The following PPM1L variants were observed in gnomAD, a reference collection of about 807,000 sequenced individuals.
PPM1L encodes the protein protein phosphatase 1L.
Under a neutral mutation model 31.4 loss-of-function variants are expected in PPM1L, and 13 were observed. The ratio of observed to expected loss-of-function variants is 0.41; its 90% CI spans 0.27 to 0.66. The LOEUF is 0.66. PPM1L is among the 30% of genes least tolerant of loss of function. The pLI, the probability that PPM1L is intolerant of heterozygous loss-of-function variation, is 0.29. For synonymous variants in PPM1L, 184 were observed against 175.4 expected (o/e 1.05, Z -0.39); for missense variants, 326 against 453.7 (o/e 0.72, Z 2.56).
intron 1 of PPM1L, among the ~76,000 whole-genome samples, chr3:160,783,946 T>C (rs1711823383): frequency 6.6e-6 from 1 of 152,190 alleles, no homozygotes. Flanking sequence ...AAAAAGTGAT[T>C]TTGAAGAGAA....
At chr3:160,834,467 G>T (rs1713632034) in intron 1 of PPM1L, among the ~76,000 whole-genome samples, 1 of 115,092 alleles carries the variant, frequency 8.7e-6, no homozygotes, top group African/African-American at 4.9e-5. Flanking sequence ...ATTTGTGTAT[G>T]TGTATGTGTG....
At chr3:161,068,621 G>A (rs1719814297) in intron 3 of PPM1L, among the ~76,000 whole-genome samples, 190 bp from the exon 4 acceptor site, 1 of 152,100 alleles carries the variant, frequency 6.6e-6, no homozygotes, top group Admixed American at 6.5e-5. Flanking sequence ...CCAGGATGAG[G>A]GTATGAGGAT....
intron 2 of PPM1L, among the ~76,000 whole-genome samples, chr3:160,980,740 G>GAGAA (rs199996196): frequency 6.9e-6 from 1 of 145,812 alleles, no homozygotes; most frequent in South Asian, 2.3e-4. Context: ...GAAAAAGAAA[G>GAGAA]AGAAAGAAAG....
At chr3:160,804,107 T>C (rs1367595704) in intron 1 of PPM1L, among the ~76,000 whole-genome samples, 6 of 151,232 alleles carry the variant, frequency 4.0e-5, no homozygotes, top group African/African-American at 1.2e-4. Flanking sequence ...TTTTTTTTTC[T>C]ATTTTTAGTA....
rs1481926695 is a variant in PPM1L at position 160,944,857 on chromosome 3, TTATATATA to T, written c.400-16878_400-16871del. ...ATATATATGTTATATATAACATATATTATATATAATGTTATATATAACATATATATTAT... is the reference window on the plus strand; with the variant it reads ...ATATATATGTTATATATAACATATATATGTTATATATAACATATATATTAT... On this transcript the variant is annotated intron_variant, in intron 1 of 3. Coordinates refer to ENST00000498165, the MANE Select transcript of PPM1L (RefSeq NM_139245.4). Among the ~76,000 whole-genome samples the T allele has an allele frequency of 1.5e-3, 64 of 42,562 alleles. 3 individuals carry two copies. Among genetic ancestry groups the T allele is most frequent in the African/African-American group, 3.8e-3 (59 of 15,438 alleles). 27.9% of individuals were successfully genotyped at this position (42,562 alleles called of 152,430 possible). A position where few individuals can be genotyped will look rare whatever the true frequency, so the allele number is the denominator to read the frequency against.
At chr3:160,973,001 A>G (rs1716405312) in intron 2 of PPM1L, among the ~76,000 whole-genome samples, 1 of 152,154 alleles carries the variant, frequency 6.6e-6, no homozygotes, top group South Asian at 2.1e-4. Context: ...ATGTTCTTGT[A>G]AAAGTGGTAT....
intron 1 of PPM1L, among the ~76,000 whole-genome samples, chr3:160,791,581 C>T (rs1200508003): frequency 6.6e-6 from 1 of 152,104 alleles, no homozygotes; most frequent in Non-Finnish European, 1.5e-5. Flanking sequence ...CAGGGGCTGA[C>T]ATTAGAACAG....
At chr3:160,935,423 T>C (rs912911281) in intron 1 of PPM1L, among the ~76,000 whole-genome samples, 1 of 152,164 alleles carries the variant, frequency 6.6e-6, no homozygotes, top group Non-Finnish European at 1.5e-5. Context: ...CATCTGTATG[T>C]GTATATAAAT....
At chr3:161,029,227 T>G (rs1576793170) in intron 2 of PPM1L, among the ~76,000 whole-genome samples, 1 of 152,226 alleles carries the variant, frequency 6.6e-6, no homozygotes, top group East Asian at 1.9e-4. Context: ...TTATTTCATT[T>G]TATCCTCATA....
intron 2 of PPM1L, among the ~76,000 whole-genome samples, chr3:161,054,148 T>A (rs1257913159): frequency 2.0e-5 from 3 of 152,012 alleles, no homozygotes; most frequent in African/African-American, 7.3e-5. Context: ...TCACTGCTTC[T>A]TCTGCTTGGA....
At chr3:160,808,947 C>T (rs929071359) in intron 1 of PPM1L, among the ~76,000 whole-genome samples, 3 of 152,152 alleles carry the variant, frequency 2.0e-5, no homozygotes, top group Non-Finnish European at 1.5e-5. Flanking sequence ...TTCCCCTACC[C>T]CCATATGATC....
chr3:160,781,224 C>T (rs987946926), intron 1 of PPM1L, among the ~76,000 whole-genome samples: 3 of 152,098 alleles, frequency 2.0e-5, no homozygotes, highest in Non-Finnish European at 2.9e-5. Context: ...AGTGATAGAG[C>T]GACTCATGGC....
intron 1 of PPM1L, among the ~76,000 whole-genome samples, chr3:160,838,630 A>G (rs1228775685): frequency 1.3e-5 from 2 of 152,174 alleles, no homozygotes; most frequent in Non-Finnish European, 2.9e-5. Flanking sequence ...TTAATCCTTA[A>G]GTGGACTTTT....
At chr3:160,972,712 C>T (rs1279390003) in intron 2 of PPM1L, among the ~76,000 whole-genome samples, 1 of 152,048 alleles carries the variant, frequency 6.6e-6, no homozygotes, top group Non-Finnish European at 1.5e-5. Flanking sequence ...TGGGTATATA[C>T]CCAGTAATGG....
At chr3:160,893,895 T>C (rs140231618) in intron 1 of PPM1L, among the ~76,000 whole-genome samples, 1 of 152,270 alleles carries the variant, frequency 6.6e-6, no homozygotes, top group East Asian at 1.9e-4. Context: ...AATTTTGATT[T>C]TTTCCTAGAC....
chr3:160,820,816 A>G (rs746202035), intron 1 of PPM1L, among the ~76,000 whole-genome samples: 5 of 151,972 alleles, frequency 3.3e-5, no homozygotes, highest in African/African-American at 4.8e-5. Flanking sequence ...TGTTTTGGCA[A>G]TATGTTGTTC....
intron 1 of PPM1L, among the ~76,000 whole-genome samples, chr3:160,828,646 C>T (rs918185764): frequency 9.9e-5 from 15 of 152,006 alleles, no homozygotes; most frequent in African/African-American, 3.6e-4. Flanking sequence ...AGGAAGTGAG[C>T]GTCATTCACA....
intron 1 of PPM1L, among the ~76,000 whole-genome samples, chr3:160,801,993 C>A (rs1712443327): frequency 6.6e-6 from 1 of 152,174 alleles, no homozygotes; most frequent in South Asian, 2.1e-4. Flanking sequence ...CAGCTCCCCA[C>A]ACCCAAGCCC....
chr3:160,978,411 G>A (rs920823857), intron 2 of PPM1L, among the ~76,000 whole-genome samples: 2 of 152,152 alleles, frequency 1.3e-5, no homozygotes, highest in African/African-American at 2.4e-5. Flanking sequence ...TAAGAGGTAC[G>A]GGAGCAAGAG....
Sources: gnomAD v4.1 joint callset for allele counts (sites outside exome capture counted in the v4.1 genomes callset) on GRCh38, gnomAD v4.1.1 for gene constraint, MANE v1.5 for transcripts, NCBI Gene and HGNC (gene_info 2026-07-23, HGNC 2026-07-21) for gene names.